The following SNTG1 variants were observed in gnomAD, a reference collection of about 807,000 sequenced individuals.
The protein encoded by SNTG1 is syntrophin gamma 1, also known as gamma-1-syntrophin.
Under a neutral mutation model 74.7 loss-of-function variants are expected in SNTG1, and 39 were observed. The observed-to-expected ratio is 0.52, with a 90% CI of 0.40 to 0.68. The LOEUF is 0.68. SNTG1 is among the 30% of genes least tolerant of loss of function. The pLI is 0.00. For missense variants in SNTG1, 685 were observed against 609.5 expected (o/e 1.12, Z -1.30); for synonymous variants, 254 against 217.1 (o/e 1.17, Z -1.49).
intron 2 of SNTG1, among the ~76,000 whole-genome samples, chr8:50,272,905 T>TAAA (rs3086115): frequency 5.0e-5 from 7 of 140,250 alleles, no homozygotes; most frequent in African/African-American, 1.3e-4. Context: ...CCTGGATACT[T>TAAA]AAAAAAAAAA....
intron 2 of SNTG1, among the ~76,000 whole-genome samples, chr8:50,300,466 T>C (rs1483185629): frequency 1.3e-5 from 2 of 152,146 alleles, no homozygotes; most frequent in Non-Finnish European, 2.9e-5. Context: ...TTGGTTTTTC[T>C]TTGCAGCATC....
Position 50,449,382 on chromosome 8 carries a change from G to A in SNTG1, c.220-286G>A, listed in dbSNP as rs60380608. Among the ~76,000 whole-genome samples, 1,441 of 152,282 alleles carry A rather than the reference G, an allele frequency of 9.5e-3. 22 individuals carry two copies. The highest frequency in any genetic ancestry group is 0.031 in the African/African-American group (1,306 of 41,550). The stretch of plus-strand genomic sequence containing the variant: ...CCTAAATAAGAATTTCTATTGGATA[G>A]CATTGCTACACATTGAGGAGAATGC... On this transcript the variant is annotated intron_variant, in intron 5 of 18. Transcript: ENST00000642720.
intron 2 of SNTG1, among the ~76,000 whole-genome samples, chr8:50,183,704 A>G (rs1283284314): frequency 6.6e-6 from 1 of 152,156 alleles, no homozygotes; most frequent in Non-Finnish European, 1.5e-5. Flanking sequence ...ATATGACTCA[A>G]AGAAAACATA....
intron 1 of SNTG1, among the ~76,000 whole-genome samples, chr8:50,021,951 A>C (rs865966638): frequency 6.9e-6 from 1 of 145,920 alleles, no homozygotes; most frequent in African/African-American, 2.5e-5. Context: ...AAAAAAAATA[A>C]AAATAAAAAT....
intron 1 of SNTG1, among the ~76,000 whole-genome samples, chr8:50,170,899 C>T (rs564603279): frequency 6.6e-6 from 1 of 152,176 alleles, no homozygotes; most frequent in African/African-American, 2.4e-5. Flanking sequence ...CACAGGGCAG[C>T]CTCCCTCTTC....
chr8:50,437,751 C>A (rs942977251), intron 4 of SNTG1, among the ~76,000 whole-genome samples: 2 of 152,172 alleles, frequency 1.3e-5, no homozygotes, highest in African/African-American at 4.8e-5. Flanking sequence ...GCGTTCAGCC[C>A]TATAGCATGC....
At chr8:50,701,464 A>T (rs988272110) in intron 15 of SNTG1, among the ~76,000 whole-genome samples, 5 of 152,304 alleles carry the variant, frequency 3.3e-5, no homozygotes, top group Middle Eastern at 6.8e-3. Flanking sequence ...TCTGGAAAGA[A>T]CACCCTTTTT....
chr8:50,762,478 A>G (rs186392263), intron 18 of SNTG1: 2 of 346,502 alleles, frequency 5.8e-6, no homozygotes, highest in Non-Finnish European at 1.1e-5. Flanking sequence ...TAAATAAGGC[A>G]GTGGCCAACT....
chr8:50,192,668 T>C (rs2083619397), intron 2 of SNTG1, among the ~76,000 whole-genome samples: 2 of 151,928 alleles, frequency 1.3e-5, no homozygotes, highest in South Asian at 4.2e-4. Context: ...AGGTCCCAGC[T>C]ATTTTTTTTT....
intron 1 of SNTG1, among the ~76,000 whole-genome samples, chr8:50,061,633 C>T (rs192965244): frequency 4.7e-4 from 71 of 152,154 alleles, no homozygotes; most frequent in Non-Finnish European, 9.3e-4. Flanking sequence ...TAGTGTTATA[C>T]ATTTCTGTCT....
At chr8:50,054,884 T>C (rs1024661091) in intron 1 of SNTG1, among the ~76,000 whole-genome samples, 2 of 152,096 alleles carry the variant, frequency 1.3e-5, no homozygotes, top group East Asian at 1.9e-4. Context: ...GCTATGTTGC[T>C]CAGGCTAGTC....
At chr8:50,376,752 TATATAGAGAGAG>T (rs1321697371) in intron 2 of SNTG1, among the ~76,000 whole-genome samples, 35 of 100,800 alleles carry the variant, frequency 3.5e-4, no homozygotes, top group African/African-American at 1.1e-3. Flanking sequence ...TATATATATA[TATATAGAGAGAG>T]AGAGAGAGAG....
chr8:50,064,598 G>A (rs955803836), intron 1 of SNTG1, among the ~76,000 whole-genome samples: 4 of 152,144 alleles, frequency 2.6e-5, no homozygotes, highest in African/African-American at 7.2e-5. Context: ...CTTCCACTGT[G>A]GCCTGTGTGG....
chr8:50,354,159 C>A (rs745601315), intron 2 of SNTG1, among the ~76,000 whole-genome samples: 1 of 152,162 alleles, frequency 6.6e-6, no homozygotes, highest in Non-Finnish European at 1.5e-5. Flanking sequence ...CTGATGGAAA[C>A]CCCAGTTGTT....
At chr8:50,410,383 A>AT (rs1563348767) in intron 4 of SNTG1, among the ~76,000 whole-genome samples, 1 of 152,094 alleles carries the variant, frequency 6.6e-6, no homozygotes, top group East Asian at 1.9e-4. Flanking sequence ...CGTTGTCTAT[A>AT]TTTTTTAAAC....
At chr8:49,920,466 T>C (rs933047952) in intron 1 of SNTG1, among the ~76,000 whole-genome samples, 12 of 152,040 alleles carry the variant, frequency 7.9e-5, no homozygotes, top group Admixed American at 6.6e-4. Flanking sequence ...TATTCATAAG[T>C]GGTTTAGGAA....
intron 1 of SNTG1, among the ~76,000 whole-genome samples, chr8:49,933,519 C>T (rs1723075480): frequency 6.6e-6 from 1 of 152,082 alleles, no homozygotes; most frequent in African/African-American, 2.4e-5. Context: ...GTTGTAGAGG[C>T]CAACTGTATT....
rs568567426 is a variant in SNTG1 at position 50,151,744 on chromosome 8, T to C, written c.-102-20817T>C. Reference sequence around the variant, plus strand: ...TTTGAGTGAGTTTCTTAATCCTGAGTTCTAGTTTGATTGCACTGTGGTCTG... The same window carrying C: ...TTTGAGTGAGTTTCTTAATCCTGAGCTCTAGTTTGATTGCACTGTGGTCTG... On this transcript the variant is annotated intron_variant, in intron 1 of 18. Coordinates refer to ENST00000642720, the MANE Select transcript of SNTG1 (RefSeq NM_018967.5). Among the ~76,000 whole-genome samples, 10 of 152,306 alleles carry C rather than the reference T, an allele frequency of 6.6e-5. No homozygotes were observed. The East Asian group carries it at 1.7e-3, about 26-fold the overall frequency.
At chr8:50,729,165 C>CTTG (rs1489311335) in intron 17 of SNTG1, among the ~76,000 whole-genome samples, 1 of 152,150 alleles carries the variant, frequency 6.6e-6, no homozygotes, top group South Asian at 2.1e-4. Context: ...GGGCTGCCAG[C>CTTG]TTGGATAGCT....
Sources: gnomAD v4.1 joint callset for allele counts (sites outside exome capture counted in the v4.1 genomes callset) on GRCh38, gnomAD v4.1.1 for gene constraint, MANE v1.5 for transcripts, NCBI Gene and HGNC (gene_info 2026-07-23, HGNC 2026-07-21) for gene names.